The following RPS6KC1 variants were observed in gnomAD, a reference collection of about 807,000 sequenced individuals.
The protein encoded by RPS6KC1 is ribosomal protein S6 kinase C1, also known as inactive ribosomal protein S6 kinase delta-1.
Under a neutral mutation model 103.8 loss-of-function variants are expected in RPS6KC1, and 54 were observed. The observed-to-expected ratio is 0.52, with a 90% CI of 0.42 to 0.65. RPS6KC1 has a LOEUF of 0.65. RPS6KC1 is among the 30% of genes least tolerant of loss of function. The pLI is 0.00. For synonymous variants in RPS6KC1, 439 were observed against 438.7 expected, an observed-to-expected ratio of 1.00 and a Z score of -0.01; for missense variants, 1,151 against 1,253.8, an observed-to-expected ratio of 0.92 and a Z score of 1.24.
chr1:213,385,695 A>G, the RPS6KC1 span, among the ~76,000 whole-genome samples: 8 of 152,148 alleles, frequency 5.3e-5, no homozygotes, highest in African/African-American at 1.9e-4. Flanking sequence ...ATAGATTGCT[A>G]CTGATGACAG....
the RPS6KC1 span, chr1:213,492,226 C>T: frequency 3.3e-5 from 5 of 152,270 alleles, no homozygotes; most frequent in African/African-American, 9.6e-5. Flanking sequence ...GGACCCCACT[C>T]GGGTGGCCAC....
the RPS6KC1 span, among the ~76,000 whole-genome samples, chr1:213,310,429 A>G: frequency 6.6e-6 from 1 of 151,768 alleles, no homozygotes; most frequent in South Asian, 2.1e-4. Flanking sequence ...CTTCCTGCTC[A>G]TGGCCTTTGC....
chr1:213,783,987 G>A, the RPS6KC1 span, among the ~76,000 whole-genome samples: 1 of 152,000 alleles, frequency 6.6e-6, no homozygotes, highest in South Asian at 2.1e-4. Flanking sequence ...GGACTAGTGG[G>A]GAGGAAAAAA....
chr1:213,855,841 A>G, the RPS6KC1 span, among the ~76,000 whole-genome samples: 869 of 152,356 alleles, frequency 5.7e-3, 8 homozygotes, highest in South Asian at 0.01. Context: ...CTCTGGTTTA[A>G]GAGGGTTTCT....
chr1:213,138,034 T>A (rs1297214033), intron 6 of RPS6KC1, among the ~76,000 whole-genome samples: 1 of 151,772 alleles, frequency 6.6e-6, no homozygotes, highest in Non-Finnish European at 1.5e-5. Context: ...TCTTGATTTT[T>A]TGTTTGTTTC....
At chr1:213,366,822 G>T in the RPS6KC1 span, among the ~76,000 whole-genome samples, 1 of 152,132 alleles carries the variant, frequency 6.6e-6, no homozygotes, top group African/African-American at 2.4e-5. Context: ...TCTTCATACG[G>T]TTTTGGTTAT....
chr1:213,281,435 C>T, the RPS6KC1 span, among the ~76,000 whole-genome samples: 3 of 152,234 alleles, frequency 2.0e-5, no homozygotes, highest in Non-Finnish European at 4.4e-5. Flanking sequence ...TAGGGCAGGG[C>T]CTGAAGCCTC....
chr1:213,417,141 G>A, the RPS6KC1 span, among the ~76,000 whole-genome samples: 1 of 152,066 alleles, frequency 6.6e-6, no homozygotes, highest in Non-Finnish European at 1.5e-5. Flanking sequence ...TCACCTCCAC[G>A]GTCTTTCCTC....
At chr1:213,680,802 T>C in the RPS6KC1 span, among the ~76,000 whole-genome samples, 2 of 152,092 alleles carry the variant, frequency 1.3e-5, no homozygotes, top group African/African-American at 2.4e-5. Context: ...GGCCCTGATC[T>C]GCATGGGAAA....
chr1:213,437,873 C>T, the RPS6KC1 span, among the ~76,000 whole-genome samples: 1 of 151,930 alleles, frequency 6.6e-6, no homozygotes, highest in Admixed American at 6.6e-5. Flanking sequence ...TTCCTCTAAA[C>T]ACTGCTTTAG....
chr1:213,294,498 C>A, the RPS6KC1 span, among the ~76,000 whole-genome samples: 1 of 152,134 alleles, frequency 6.6e-6, no homozygotes, highest in Non-Finnish European at 1.5e-5. Flanking sequence ...GCCTTCATAG[C>A]TGAATTTCAG....
the RPS6KC1 span, among the ~76,000 whole-genome samples, chr1:213,448,649 T>C: frequency 6.6e-6 from 1 of 151,924 alleles, no homozygotes; most frequent in African/African-American, 2.4e-5. Flanking sequence ...TCCCGCTTCT[T>C]CTTGAGACCC....
chr1:213,747,560 G>A, the RPS6KC1 span, among the ~76,000 whole-genome samples: 3 of 152,292 alleles, frequency 2.0e-5, no homozygotes, highest in South Asian at 6.2e-4. Flanking sequence ...TAGTTTTAAG[G>A]TGAGAAAAAT....
the RPS6KC1 span, among the ~76,000 whole-genome samples, chr1:213,329,883 C>T: frequency 6.6e-6 from 1 of 152,228 alleles, no homozygotes; most frequent in South Asian, 2.1e-4. Context: ...CCTACCCTTC[C>T]TTTCACATAG....
At chr1:213,258,772 A>G (rs2094711492) in intron 12 of RPS6KC1, among the ~76,000 whole-genome samples, 1 of 152,230 alleles carries the variant, frequency 6.6e-6, no homozygotes, top group Non-Finnish European at 1.5e-5. Context: ...TTTCCCTTTT[A>G]CTTTGCTAAC....
chr1:213,559,599 G>A, the RPS6KC1 span, among the ~76,000 whole-genome samples: 1 of 152,100 alleles, frequency 6.6e-6, no homozygotes, highest in Non-Finnish European at 1.5e-5. Flanking sequence ...ACAAAATTTG[G>A]ACACTATGCT....
chr1:213,453,176 G>A, the RPS6KC1 span, among the ~76,000 whole-genome samples: 2 of 152,012 alleles, frequency 1.3e-5, no homozygotes, highest in Non-Finnish European at 2.9e-5. Context: ...CTCCTGGACG[G>A]TAAGGAGAGG....
At chr1:213,793,899 T>C in the RPS6KC1 span, among the ~76,000 whole-genome samples, 1 of 152,120 alleles carries the variant, frequency 6.6e-6, no homozygotes. Flanking sequence ...GTGTGTGTTT[T>C]CTTTTTTTTC....
intron 2 of RPS6KC1, among the ~76,000 whole-genome samples, chr1:213,075,412 C>T (rs2079243058): frequency 6.6e-6 from 1 of 151,958 alleles, no homozygotes; most frequent in East Asian, 1.9e-4. Flanking sequence ...TGTTAGAATC[C>T]TCACATCTCA....
Sources: allele counts gnomAD v4.1 joint callset (sites outside exome capture counted in the v4.1 genomes callset), GRCh38; gene constraint gnomAD v4.1.1; transcripts MANE v1.5; gene names NCBI Gene and HGNC (gene_info 2026-07-23, HGNC 2026-07-21).